The following SLC22A23 variants were observed in gnomAD, a reference collection of about 807,000 sequenced individuals.
SLC22A23 encodes solute carrier family 22 member 23.
In SLC22A23, 26 loss-of-function variants were observed where a neutral mutation model predicts 61.0. The observed-to-expected ratio is 0.43, with a 90% CI of 0.31 to 0.59. The LOEUF is 0.59. Among genes scored for constraint, SLC22A23 ranks in the 20% least tolerant of loss-of-function variants. The probability of loss-of-function intolerance (pLI) is 0.11; values close to 1 mark genes in which losing one functional copy is unlikely to be tolerated. For synonymous variants in SLC22A23, 430 were observed against 413.9 expected (o/e 1.04, Z -0.47); for missense variants, 796 against 934.7 (o/e 0.85, Z 1.94).
intron 3 of SLC22A23, among the ~76,000 whole-genome samples, chr6:3,391,083 A>G (rs543193191): frequency 1.3e-5 from 2 of 152,344 alleles, no homozygotes; most frequent in Admixed American, 1.3e-4. Flanking sequence ...CTACAATGAA[A>G]ATAACAGCAA....
chr6:3,323,383 C>A, intron 4 of SLC22A23: 1 of 457,360 alleles, frequency 2.2e-6, no homozygotes, highest in Non-Finnish European at 4.4e-6. Context: ...AGACAGTGGG[C>A]CTGATGTGGC....
chr6:3,361,958 A>G lies in SLC22A23; in HGVS notation c.914-37956T>C, dbSNP rs145703730. 4.9e-3 allele frequency among the ~76,000 whole-genome samples: 752 copies of G among 152,342 alleles called. 3 individuals are homozygous for G. Among genetic ancestry groups the G allele is most frequent in the Non-Finnish European group, 8.5e-3 (579 of 68,036 alleles). ...ACCACACTGCCACATGCTGATGGTC[A>G]TGCCAGAGTGCACACAAGGACTGTA... On this transcript the variant is annotated intron_variant, in intron 3 of 9. Transcript: ENST00000406686.
intron 3 of SLC22A23, among the ~76,000 whole-genome samples, chr6:3,349,372 G>A (rs969173562): frequency 9.9e-5 from 15 of 152,034 alleles, no homozygotes; most frequent in South Asian, 2.1e-4. Flanking sequence ...CCACCTACCC[G>A]AGGACTCTTC....
intron 1 of SLC22A23, among the ~76,000 whole-genome samples, chr6:3,436,094 G>A (rs1024753825): frequency 2.0e-5 from 3 of 152,112 alleles, no homozygotes; most frequent in African/African-American, 7.2e-5. Context: ...ACCTAGAAGA[G>A]AACTAGAAAG....
intron 3 of SLC22A23, among the ~76,000 whole-genome samples, chr6:3,354,524 G>A (rs1211927858): frequency 6.6e-6 from 1 of 152,170 alleles, no homozygotes; most frequent in Admixed American, 6.5e-5. Context: ...TGCCTCAAAG[G>A]CAAGGCAATG....
intron 3 of SLC22A23, among the ~76,000 whole-genome samples, chr6:3,357,356 G>C (rs981484565): frequency 6.6e-6 from 1 of 152,080 alleles, no homozygotes; most frequent in Non-Finnish European, 1.5e-5. Context: ...TTTTAAATGG[G>C]GTTGTGGCTC....
At chr6:3,422,150 T>C (rs1179011320) in intron 1 of SLC22A23, among the ~76,000 whole-genome samples, 1 of 152,164 alleles carries the variant, frequency 6.6e-6, no homozygotes, top group Admixed American at 6.5e-5. Context: ...TGCTTAAAAC[T>C]TCAAAAGCTT....
intron 1 of SLC22A23, among the ~76,000 whole-genome samples, chr6:3,441,309 A>G (rs1771579735): frequency 6.6e-6 from 1 of 152,118 alleles, no homozygotes; most frequent in South Asian, 2.1e-4. Context: ...ATCAAGTCCT[A>G]AAATCTCGTT....
intron 1 of SLC22A23, among the ~76,000 whole-genome samples, chr6:3,438,165 T>C (rs1771347140): frequency 1.3e-5 from 2 of 151,930 alleles, no homozygotes. Context: ...ACCAAGAACA[T>C]CAAGAACACT....
chr6:3,445,806 C>T (rs1771866624), intron 1 of SLC22A23, among the ~76,000 whole-genome samples: 1 of 151,994 alleles, frequency 6.6e-6, no homozygotes, highest in African/African-American at 2.4e-5. Context: ...TACAAGATGC[C>T]CCCTACAACA....
chr6:3,429,894 G>A (rs6937621), intron 1 of SLC22A23, among the ~76,000 whole-genome samples: 45,579 of 152,142 alleles, frequency 0.3, 8,090 homozygotes, highest in East Asian at 0.48. Context: ...CCAGGGGCTG[G>A]GGTGAGTGGG....
chr6:3,452,855 C>T (rs576980477), intron 1 of SLC22A23, among the ~76,000 whole-genome samples: 1 of 152,202 alleles, frequency 6.6e-6, no homozygotes. Flanking sequence ...GATCTAGAAA[C>T]TCAAAATTGT....
chr6:3,405,089 T>A (rs534182229), intron 3 of SLC22A23, among the ~76,000 whole-genome samples: 36 of 151,946 alleles, frequency 2.4e-4, no homozygotes, highest in African/African-American at 8.4e-4. Context: ...TGAAACCCTG[T>A]CTCTACTAAA....
intron 3 of SLC22A23, among the ~76,000 whole-genome samples, chr6:3,367,048 C>T (rs1020197872): frequency 6.6e-6 from 1 of 152,170 alleles, no homozygotes; most frequent in Non-Finnish European, 1.5e-5. Context: ...TTGCAAGCAC[C>T]CCACCAACTC....
intron 5 of SLC22A23, chr6:3,291,253 C>G (rs1760563418): frequency 6.6e-6 from 1 of 152,186 alleles, no homozygotes; most frequent in African/African-American, 2.4e-5. Context: ...ACTCTGAACC[C>G]TGGATGGCTC....
Position 3,293,976 on chromosome 6 carries a change from C to T in SLC22A23, c.1211-4110G>A, listed in dbSNP as rs187957386. On this transcript the variant is annotated intron_variant, in intron 5 of 9. Coordinates refer to ENST00000406686, the MANE Select transcript of SLC22A23 (RefSeq NM_015482.2). ...CTCCGGGGTGAGGTGTGGGGCTGCC[C>T]GGAGAGGACTGATGCTGAGGACGGA... Among the ~76,000 whole-genome samples the T allele has an allele frequency of 1.8e-3, 281 of 152,212 alleles. 1 individual carries two copies. Among genetic ancestry groups the T allele is most frequent in the African/African-American group, 5.1e-3 (212 of 41,538 alleles).
rs1320341753 is a variant in SLC22A23, at chr6:3,309,912, A to T, written c.1083-11694T>A. The stretch of plus-strand genomic sequence containing the variant: ...CTGGGGCTTCATGAATGGCAGAGGC[A>T]GGCCTGGAACCTGGGACTTAAGGCC... On this transcript the variant is annotated intron_variant, in intron 4 of 9. Coordinates refer to ENST00000406686, the MANE Select transcript of SLC22A23 (RefSeq NM_015482.2). The surrounding 1 kb of genome is among the most constrained non-coding windows in gnomAD (Gnocchi z 4.7). Among the ~76,000 whole-genome samples, 1 of 152,218 alleles carries T rather than the reference A, an allele frequency of 6.6e-6. No individual in the cohort carries two copies. The highest frequency in any genetic ancestry group is 1.5e-5 in the Non-Finnish European group (1 of 68,036).
At chr6:3,345,189 A>G (rs1267918511) in intron 3 of SLC22A23, among the ~76,000 whole-genome samples, 4 of 151,146 alleles carry the variant, frequency 2.6e-5, no homozygotes, top group Admixed American at 2.0e-4. Context: ...CTAGGGAATT[A>G]GCACACAGAG....
chr6:3,280,631 G>C (rs943614983), intron 9 of SLC22A23, among the ~76,000 whole-genome samples: 10 of 151,494 alleles, frequency 6.6e-5, no homozygotes, highest in Non-Finnish European at 1.0e-4. Flanking sequence ...GAGTAGCTGG[G>C]ACTACAGGCG....
Sources: allele counts gnomAD v4.1 joint callset (sites outside exome capture counted in the v4.1 genomes callset), GRCh38; gene constraint gnomAD v4.1.1; non-coding constraint Gnocchi (gnomAD v3.1); transcripts MANE v1.5; gene names NCBI Gene and HGNC (gene_info 2026-07-23, HGNC 2026-07-21).